Variants in SGIP1 observed in about 807,000 individuals in gnomAD.
SGIP1 encodes the protein SH3GL interacting endocytic adaptor 1.
SGIP1 carries 38 observed loss-of-function variants against 107.5 expected under a neutral mutation model. That is an observed-to-expected ratio of 0.35 (90% confidence interval 0.27 to 0.46). The LOEUF (loss-of-function observed/expected upper bound fraction) is 0.46, where lower values mean the gene tolerates loss of function less well. Among genes scored for constraint, SGIP1 ranks in the 20% least tolerant of loss-of-function variants. SGIP1 has a pLI of 1.00. For missense variants in SGIP1, 929 were observed against 1,019.5 expected (o/e 0.91, Z 1.21); for synonymous variants, 365 against 366.1 (o/e 1.00, Z 0.03).
chr1:66,672,128 C>A, intron 11 of SGIP1, 133 bp downstream of exon 11: 2 of 767,178 alleles, frequency 2.6e-6, no homozygotes, highest in South Asian at 3.3e-5. Flanking sequence ...GTCCATATGT[C>A]CACAGCATGG....
intron 1 of SGIP1, among the ~76,000 whole-genome samples, chr1:66,602,966 G>A (rs1408365249): frequency 6.6e-6 from 1 of 152,104 alleles, no homozygotes; most frequent in Non-Finnish European, 1.5e-5. Context: ...CTGTGCTCTA[G>A]TTATTACCTG....
chr1:66,700,778 C>T (rs980899362), intron 18 of SGIP1, among the ~76,000 whole-genome samples: 8 of 151,812 alleles, frequency 5.3e-5, no homozygotes, highest in Non-Finnish European at 1.2e-4. Context: ...AACATTTAGT[C>T]CTCCTATCTA....
chr1:66,586,980 G>T (rs1327562497), intron 1 of SGIP1, among the ~76,000 whole-genome samples: 1 of 151,892 alleles, frequency 6.6e-6, no homozygotes. Flanking sequence ...TTTTGTTGTT[G>T]TTTAGTTTGT....
intron 1 of SGIP1, among the ~76,000 whole-genome samples, chr1:66,601,978 C>A (rs951770564): frequency 6.6e-6 from 1 of 152,176 alleles, no homozygotes; most frequent in Non-Finnish European, 1.5e-5. Context: ...TCTCTGTAGA[C>A]CTCACCTTTC....
Position 66,553,548 on chromosome 1 carries a change from C to A in SGIP1, c.10+19180C>A, listed in dbSNP as rs182759327. 5.4e-3 allele frequency among the ~76,000 whole-genome samples: 821 copies of A among 151,722 alleles called. 5 individuals are homozygous for A. The highest frequency in any genetic ancestry group is 0.019 in the African/African-American group (787 of 41,360). On this transcript the variant is annotated intron_variant, in intron 1 of 24. Transcript: ENST00000371037. The stretch of plus-strand genomic sequence containing the variant: ...AAAATTAGCTGGGTGTGGTGGTGGG[C>A]ACCTGTAATTCCAGCTACTCGGGAG...
intron 21 of SGIP1, among the ~76,000 whole-genome samples, chr1:66,737,258 C>T (rs1323847278): frequency 6.6e-6 from 1 of 152,130 alleles, no homozygotes; most frequent in Non-Finnish European, 1.5e-5. Context: ...ATATACACTG[C>T]ATGTACATCT....
chr1:66,573,598 G>A (rs190302047), intron 1 of SGIP1, among the ~76,000 whole-genome samples: 152 of 152,294 alleles, frequency 1.0e-3, no homozygotes, highest in South Asian at 2.3e-3. Flanking sequence ...AAGAGATCAT[G>A]TCCTTTGCAG....
At chr1:66,580,232 C>T (rs905458178) in intron 1 of SGIP1, among the ~76,000 whole-genome samples, 8 of 152,104 alleles carry the variant, frequency 5.3e-5, no homozygotes, top group Non-Finnish European at 1.2e-4. Context: ...CTGCAAGGCC[C>T]TATATAACCT....
chr1:66,548,840 C>G lies in SGIP1; in HGVS notation c.10+14472C>G, dbSNP rs148658244. Among the ~76,000 whole-genome samples the G allele has an allele frequency of 6.7e-3, 1,019 of 152,288 alleles. 37 individuals carry two copies. The highest frequency in any genetic ancestry group is 0.061 in the Admixed American group (938 of 15,282). ...TAACTAGATTCACCTGTGCACTTCTCCAATTCATAGCCCTCTCTTCCTACC... is the reference window on the plus strand; with the variant it reads ...TAACTAGATTCACCTGTGCACTTCTGCAATTCATAGCCCTCTCTTCCTACC... On this transcript the variant is annotated intron_variant, in intron 1 of 24. Coordinates refer to ENST00000371037, the MANE Select transcript of SGIP1 (RefSeq NM_032291.4).
intron 18 of SGIP1, among the ~76,000 whole-genome samples, chr1:66,718,249 G>T (rs919432679): frequency 1.3e-5 from 2 of 152,036 alleles, no homozygotes; most frequent in African/African-American, 4.8e-5. Flanking sequence ...AATGCATTTT[G>T]TTTGGCAGGA....
intron 1 of SGIP1, among the ~76,000 whole-genome samples, chr1:66,592,028 C>A (rs2063727626): frequency 6.6e-6 from 1 of 152,190 alleles, no homozygotes; most frequent in African/African-American, 2.4e-5. Flanking sequence ...GGGTTTTACA[C>A]CAAGACATTC....
chr1:66,709,242 C>T (rs961329640), intron 18 of SGIP1, among the ~76,000 whole-genome samples: 2 of 141,920 alleles, frequency 1.4e-5, no homozygotes, highest in African/African-American at 5.2e-5. Context: ...CATGTGTTCT[C>T]ATTGGAGAAC....
At chr1:66,680,510 T>C (rs2086454827) in intron 14 of SGIP1, among the ~76,000 whole-genome samples, 1 of 152,194 alleles carries the variant, frequency 6.6e-6, no homozygotes, top group Non-Finnish European at 1.5e-5. Flanking sequence ...CCTGGTGAGT[T>C]TGATAGCTGC....
chr1:66,611,185 A>G (rs2067922642), intron 1 of SGIP1, among the ~76,000 whole-genome samples: 1 of 152,246 alleles, frequency 6.6e-6, no homozygotes, highest in Non-Finnish European at 1.5e-5. Flanking sequence ...TAAGTGATTG[A>G]TTTTGCTAAG....
chr1:66,655,153 T>C (rs770167040), intron 7 of SGIP1, among the ~76,000 whole-genome samples: 9 of 152,050 alleles, frequency 5.9e-5, no homozygotes, highest in Non-Finnish European at 1.2e-4. Flanking sequence ...ATAAGCCGCA[T>C]TGGAGCAGAG....
intron 21 of SGIP1, among the ~76,000 whole-genome samples, chr1:66,737,746 T>C (rs904219323): frequency 9.8e-5 from 15 of 152,318 alleles, no homozygotes; most frequent in Admixed American, 2.6e-4. Context: ...ATGTCAACAG[T>C]CCTAGACTTG....
intron 1 of SGIP1, chr1:66,590,629 A>G (rs549469720): frequency 8.5e-5 from 13 of 152,268 alleles, no homozygotes; most frequent in African/African-American, 3.1e-4. Flanking sequence ...ACCCCGATAC[A>G]TCTAGATCGT....
At chr1:66,678,848 C>T (rs1042155840) in intron 13 of SGIP1, among the ~76,000 whole-genome samples, 2 of 152,252 alleles carry the variant, frequency 1.3e-5, no homozygotes, top group Admixed American at 6.5e-5. Context: ...AGAGATTGGA[C>T]GGCATTCAGA....
chr1:66,645,746 G>A (rs564082008), intron 7 of SGIP1, among the ~76,000 whole-genome samples: 61 of 152,320 alleles, frequency 4.0e-4, no homozygotes, highest in African/African-American at 1.2e-3. Context: ...AGTTTAAAGA[G>A]AGGTTGTAAC....
Sources: allele counts gnomAD v4.1 joint callset (sites outside exome capture counted in the v4.1 genomes callset), GRCh38; gene constraint gnomAD v4.1.1; transcripts MANE v1.5; gene names NCBI Gene and HGNC (gene_info 2026-07-23, HGNC 2026-07-21).